Variants in ADAM2 observed in about 807,000 individuals in gnomAD.
ADAM2 encodes disintegrin and metalloproteinase domain-containing protein 2.
In ADAM2, 101 loss-of-function variants were observed where a neutral mutation model predicts 99.3. That is an observed-to-expected ratio of 1.02 (90% CI 0.87 to 1.20). The LOEUF is 1.20. Among genes scored for constraint, ADAM2 ranks in the 50% most tolerant of loss-of-function variants. The pLI is 0.00. For missense variants in ADAM2, 948 were observed against 878.7 expected (o/e 1.08, Z -1.00); for synonymous variants, 323 against 287.6 (o/e 1.12, Z -1.25).
intron 11 of ADAM2, among the ~76,000 whole-genome samples, chr8:39,770,087 A>C (rs571219916): frequency 2.0e-5 from 3 of 151,802 alleles, no homozygotes; most frequent in African/African-American, 7.2e-5. Flanking sequence ...CTGGGATTAG[A>C]GGGACACGCC....
At chr8:39,772,033 C>G (rs1387708715) in intron 11 of ADAM2, among the ~76,000 whole-genome samples, 2 of 144,090 alleles carry the variant, frequency 1.4e-5, no homozygotes, top group Non-Finnish European at 3.0e-5. Flanking sequence ...ACATATGTAA[C>G]AAACCGCACG....
At chr8:39,744,644 G>A (rs909559508) in intron 20 of ADAM2, among the ~76,000 whole-genome samples, 186 bp downstream of exon 20, 3 of 152,096 alleles carry the variant, frequency 2.0e-5, no homozygotes, top group African/African-American at 7.2e-5. Flanking sequence ...GGGGTTGGGA[G>A]GCAAGGGGAG....
intron 14 of ADAM2, among the ~76,000 whole-genome samples, chr8:39,762,123 C>A (rs1802395498): frequency 6.6e-6 from 1 of 152,130 alleles, no homozygotes; most frequent in Admixed American, 6.5e-5. Context: ...ACTTAAAAAG[C>A]AGTTTATTTC....
chr8:39,768,540 A>G (rs1235064061), intron 12 of ADAM2, among the ~76,000 whole-genome samples: 2 of 152,172 alleles, frequency 1.3e-5, no homozygotes, highest in Non-Finnish European at 2.9e-5. Flanking sequence ...TATGTTACAA[A>G]TCTTTTTGAC....
chr8:39,774,857 A>G (rs1802925063), intron 11 of ADAM2, among the ~76,000 whole-genome samples: 2 of 152,110 alleles, frequency 1.3e-5, no homozygotes, highest in Non-Finnish European at 2.9e-5. Flanking sequence ...ATAATGCTCA[A>G]CATTATTAAT....
At chr8:39,753,901 G>A (rs1034040717) in intron 16 of ADAM2, among the ~76,000 whole-genome samples, 3 of 151,980 alleles carry the variant, frequency 2.0e-5, no homozygotes, top group African/African-American at 7.2e-5. Flanking sequence ...TTAAAAACCT[G>A]CCAACTTGCC....
intron 6 of ADAM2, among the ~76,000 whole-genome samples, chr8:39,816,721 G>A (rs1360647226): frequency 6.6e-6 from 1 of 152,150 alleles, no homozygotes; most frequent in Non-Finnish European, 1.5e-5. Flanking sequence ...ATCTTGAAAA[G>A]GCAAGTCTAT....
intron 11 of ADAM2, among the ~76,000 whole-genome samples, chr8:39,776,067 A>G (rs1364510926): frequency 1.3e-5 from 2 of 152,140 alleles, no homozygotes. Flanking sequence ...GTAACATTGT[A>G]TTTAAATAAT....
intron 6 of ADAM2, among the ~76,000 whole-genome samples, chr8:39,819,729 AC>A (rs1340494526): frequency 6.6e-6 from 1 of 152,070 alleles, no homozygotes; most frequent in Non-Finnish European, 1.5e-5. Context: ...CTGCCTGCTT[AC>A]CCTGTAGATT....
At chr8:39,802,758 G>GA (rs767679911) in intron 7 of ADAM2, among the ~76,000 whole-genome samples, 6 of 151,182 alleles carry the variant, frequency 4.0e-5, no homozygotes, top group East Asian at 3.9e-4. Context: ...CTGCAAACCA[G>GA]AAAAAAAATA....
At chr8:39,748,437 T>C (rs921820917) in intron 18 of ADAM2, among the ~76,000 whole-genome samples, 55 of 152,266 alleles carry the variant, frequency 3.6e-4, no homozygotes, top group African/African-American at 1.2e-3. Context: ...AATTACAAAG[T>C]TTTAAACTTA....
chr8:39,790,897 A>G (rs1207586660), intron 7 of ADAM2, among the ~76,000 whole-genome samples: 1 of 151,898 alleles, frequency 6.6e-6, no homozygotes, highest in African/African-American at 2.4e-5. Flanking sequence ...CACTCCAACC[A>G]TGTCTAATTA....
intron 14 of ADAM2, among the ~76,000 whole-genome samples, chr8:39,761,964 G>A (rs567873455): frequency 2.6e-5 from 4 of 152,248 alleles, no homozygotes; most frequent in African/African-American, 9.6e-5. Context: ...GGCGCCCGTA[G>A]TCCCAGCTAC....
At chr8:39,804,193 G>A (rs1047209512) in intron 7 of ADAM2, among the ~76,000 whole-genome samples, 3 of 152,230 alleles carry the variant, frequency 2.0e-5, no homozygotes, top group African/African-American at 7.2e-5. Flanking sequence ...TGGAACTAAA[G>A]TGAGAATATG....
chr8:39,778,201 T>C (rs1007965566), intron 10 of ADAM2, among the ~76,000 whole-genome samples: 45 of 152,000 alleles, frequency 3.0e-4, no homozygotes, highest in African/African-American at 1.0e-3. Flanking sequence ...TCTACTAACA[T>C]TTTGATGAAT....
At chr8:39,747,705 G>A (rs1823531913) in intron 18 of ADAM2, among the ~76,000 whole-genome samples, 1 of 152,122 alleles carries the variant, frequency 6.6e-6, no homozygotes, top group African/African-American at 2.4e-5. Flanking sequence ...CAATGTCCTA[G>A]AGTGCCTTAT....
Position 39,769,950 on chromosome 8 carries a change from C to CTT in ADAM2, c.1029-377_1029-376dup, listed in dbSNP as rs60250805. Among the ~76,000 whole-genome samples, 1,043 of 134,768 alleles carry CTT rather than the reference C, an allele frequency of 7.7e-3. 27 individuals carry two copies. The highest frequency in any genetic ancestry group is 0.022 in the African/African-American group (787 of 36,104). 88.4% of individuals were successfully genotyped at this position (134,768 alleles called of 152,430 possible). ...CAGGCTTTTCTTTTTTTTCTTTTTT[C>CTT]TTTTTTTTTTTTTTGAGACGGAGTC... On this transcript the variant is annotated intron_variant, in intron 11 of 20. Coordinates refer to ENST00000265708, the MANE Select transcript of ADAM2 (RefSeq NM_001464.5).
At chr8:39,835,681 C>A (rs1419104670) in intron 2 of ADAM2, among the ~76,000 whole-genome samples, 194 of 129,206 alleles carry the variant, frequency 1.5e-3, no homozygotes, top group South Asian at 2.2e-3. Context: ...GACTCCGTCT[C>A]AAAAAAAAAA....
intron 19 of ADAM2, 126 bp downstream of exon 19, chr8:39,746,346 G>A (rs1176533569): frequency 1.4e-6 from 1 of 699,544 alleles, no homozygotes; most frequent in Non-Finnish European, 2.2e-6. Context: ...TAATATATGA[G>A]TTATTAAATT....
Sources: gnomAD v4.1 joint callset for allele counts (sites outside exome capture counted in the v4.1 genomes callset) on GRCh38, gnomAD v4.1.1 for gene constraint, MANE v1.5 for transcripts, NCBI Gene and HGNC (gene_info 2026-07-23, HGNC 2026-07-21) for gene names.